The following ZFYVE9 variants were observed in gnomAD, a reference collection of about 807,000 sequenced individuals.
ZFYVE9 encodes the protein zinc finger FYVE domain-containing protein 9.
A neutral mutation model predicts 126.7 loss-of-function variants in ZFYVE9; 43 were observed. That is an observed-to-expected ratio of 0.34 (90% CI 0.27 to 0.44). The LOEUF (loss-of-function observed/expected upper bound fraction) is 0.44. ZFYVE9 is among the 20% of genes least tolerant of loss of function. The pLI, the probability that ZFYVE9 is intolerant of heterozygous loss-of-function variation, is 1.00. For missense variants in ZFYVE9, 1,476 were observed against 1,697.0 expected (o/e 0.87, Z 2.29); for synonymous variants, 521 against 597.4 (o/e 0.87, Z 1.87).
intron 1 of ZFYVE9, among the ~76,000 whole-genome samples, chr1:52,182,570 TCAC>T (rs1172036632): frequency 6.6e-6 from 1 of 151,872 alleles, no homozygotes; most frequent in East Asian, 1.9e-4. Context: ...TTAAGAGTCA[TCAC>T]CACTCCCTAA....
chr1:52,149,014 G>C (rs1698746), intron 1 of ZFYVE9, among the ~76,000 whole-genome samples: 1 of 122,586 alleles, frequency 8.2e-6, no homozygotes, highest in Non-Finnish European at 1.6e-5. Context: ...AACCAGGCTA[G>C]AGTGCAGTAG....
At position 52,284,113 on chromosome 1, in the gene ZFYVE9, A is replaced by G. The variant is rs575555746; in HGVS notation, c.3025+2297A>G. 1.9e-4 allele frequency among the ~76,000 whole-genome samples: 29 copies of G among 152,318 alleles called. No homozygotes were observed. In the South Asian group the frequency reaches 6.0e-3, roughly 32 times the overall value. ...GTATGTTGGTCTTCTTCTATTCACC[A>G]TCTTGATGAATAACAGATTTGGCAG... On this transcript the variant is annotated intron_variant, in intron 10 of 18. Coordinates refer to ENST00000287727, the MANE Select transcript of ZFYVE9 (RefSeq NM_004799.4).
chr1:52,216,446 T>C lies in ZFYVE9; in HGVS notation c.-65T>C, dbSNP rs1343951780. ...TCATGAGTAAGCACCGAGAAGTCTG[T>C]TCCTTATCACGTGTGTAAGGGGAAA... On this transcript the variant is annotated 5_prime_UTR_variant, in exon 2 of 19. Coordinates refer to ENST00000287727, the MANE Select transcript of ZFYVE9 (RefSeq NM_004799.4). 2.5e-6 allele frequency: 1 copy of C among 398,388 alleles called. No homozygotes were observed. Among genetic ancestry groups the C allele is most frequent in the Non-Finnish European group, 4.4e-6 (1 of 225,994 alleles). 24.7% of individuals were successfully genotyped at this position (398,388 alleles called of 1,614,324 possible).
intron 15 of ZFYVE9, among the ~76,000 whole-genome samples, chr1:52,336,414 G>A (rs1371591731): frequency 1.4e-5 from 2 of 145,598 alleles, no homozygotes; most frequent in African/African-American, 2.5e-5. Context: ...GCCCAGGCTG[G>A]AGTACAGTGG....
chr1:52,256,646 A>C (rs1645522541), intron 4 of ZFYVE9, among the ~76,000 whole-genome samples: 1 of 150,570 alleles, frequency 6.6e-6, no homozygotes, highest in African/African-American at 2.5e-5. Flanking sequence ...ATCTCTTTTA[A>C]CCCTTTCTGT....
chr1:52,253,581 G>A, intron 4 of ZFYVE9: 1 of 954,016 alleles, frequency 1.0e-6, no homozygotes, highest in Admixed American at 1.8e-5. Flanking sequence ...TGGAGATCCT[G>A]AGAACCTGAG....
intron 13 of ZFYVE9, among the ~76,000 whole-genome samples, chr1:52,305,656 A>G (rs758944152): frequency 4.6e-5 from 7 of 151,990 alleles, no homozygotes; most frequent in Non-Finnish European, 1.5e-5. Flanking sequence ...GCAGCTGCCC[A>G]AGTTATGGCT....
chr1:52,163,087 T>C (rs1644478157), intron 1 of ZFYVE9: 1 of 209,938 alleles, frequency 4.8e-6, no homozygotes, highest in East Asian at 1.2e-4. Context: ...TTTTGTACTT[T>C]GCGTATTCTT....
intron 9 of ZFYVE9, 114 bp downstream of exon 9, chr1:52,278,728 T>TTC: frequency 2.4e-6 from 2 of 823,344 alleles, no homozygotes; most frequent in Non-Finnish European, 3.6e-6. Context: ...TCTTTTTTTT[T>TTC]TTCTTTTTTT....
At chr1:52,149,863 A>C (rs1572056479) in intron 1 of ZFYVE9, among the ~76,000 whole-genome samples, 1 of 152,318 alleles carries the variant, frequency 6.6e-6, no homozygotes, top group Non-Finnish European at 1.5e-5. Flanking sequence ...TGGATGATAT[A>C]GTTTCCGTAT....
intron 2 of ZFYVE9, among the ~76,000 whole-genome samples, chr1:52,226,895 A>G (rs911122179): frequency 5.3e-5 from 8 of 152,330 alleles, no homozygotes; most frequent in Non-Finnish European, 1.2e-4. Flanking sequence ...ACAGATGTGC[A>G]TTTATCTCAT....
intron 10 of ZFYVE9, among the ~76,000 whole-genome samples, chr1:52,284,843 G>T (rs1427841562): frequency 3.3e-5 from 5 of 152,140 alleles, no homozygotes; most frequent in African/African-American, 1.2e-4. Flanking sequence ...TCTAAGGTCA[G>T]ACTATAATAC....
In ZFYVE9 at chr1:52,263,838, AGT is replaced by A. The variant is rs1474007907; in HGVS notation, c.2251_2252del (p.Val751AsnfsTer24). 1 of 1,532,696 alleles carries A rather than the reference AGT, an allele frequency of 6.5e-7. No individual in the cohort carries two copies. Among genetic ancestry groups the A allele is most frequent in the Non-Finnish European group, 8.8e-7 (1 of 1,129,968 alleles). 94.9% of individuals were successfully genotyped at this position (1,532,696 alleles called of 1,614,324 possible). On this transcript the variant is annotated frameshift_variant, in exon 5 of 19. Coordinates refer to ENST00000287727, the MANE Select transcript of ZFYVE9 (RefSeq NM_004799.4). LOFTEE classifies it high-confidence loss of function. The stretch of plus-strand genomic sequence containing the variant: ...TATACATGGACAGAAAGGAAGCTAG[AGT>A]GTGTGTAATCTGCCATTCAGTGCTA... Reference protein sequence around the residue: ...LLYMDRKEARVCVICHSVLMN... With the variant: ...LLYMDRKEARXCVICHSVLMN...
At chr1:52,322,419 G>A (rs1283056858) in intron 13 of ZFYVE9, among the ~76,000 whole-genome samples, 3 of 139,260 alleles carry the variant, frequency 2.2e-5, no homozygotes, top group East Asian at 2.1e-4. Context: ...TCGCTGTGTC[G>A]CCCAGTGGAG....
intron 4 of ZFYVE9, among the ~76,000 whole-genome samples, chr1:52,247,528 G>A (rs558774083): frequency 9.6e-4 from 145 of 151,672 alleles, no homozygotes; most frequent in Middle Eastern, 3.4e-3. Context: ...ACGGAGTCTC[G>A]CTTCGTTGCC....
At chr1:52,217,228 A>G (rs1013016539) in intron 2 of ZFYVE9, among the ~76,000 whole-genome samples, 1 of 152,214 alleles carries the variant, frequency 6.6e-6, no homozygotes, top group Non-Finnish European at 1.5e-5. Flanking sequence ...GTTGGATTGC[A>G]CAATCTAAGC....
intron 5 of ZFYVE9, among the ~76,000 whole-genome samples, chr1:52,265,484 A>G (rs951171830): frequency 6.6e-6 from 1 of 152,224 alleles, no homozygotes; most frequent in Non-Finnish European, 1.5e-5. Context: ...CCTAGAAGAT[A>G]AAATTTGGTA....
intron 10 of ZFYVE9, among the ~76,000 whole-genome samples, chr1:52,282,151 A>G (rs1305277604): frequency 6.6e-6 from 1 of 152,210 alleles, no homozygotes; most frequent in African/African-American, 2.4e-5. Context: ...TTGGTTAACA[A>G]TATTTATTTA....
intron 1 of ZFYVE9, among the ~76,000 whole-genome samples, chr1:52,173,868 TTG>T (rs1305686765): frequency 1.3e-5 from 2 of 152,184 alleles, no homozygotes; most frequent in Admixed American, 1.3e-4. Context: ...TAATTTTTTA[TTG>T]TGTCTATTTG....
Sources: gnomAD v4.1 joint callset for allele counts (sites outside exome capture counted in the v4.1 genomes callset) on GRCh38, gnomAD v4.1.1 for gene constraint, MANE v1.5 for transcripts, NCBI Gene and HGNC (gene_info 2026-07-23, HGNC 2026-07-21) for gene names.